The following RTEL1 variants were observed in gnomAD, a reference collection of about 807,000 sequenced individuals.
The protein encoded by RTEL1 is regulator of telomere length.
Under a neutral mutation model 162.2 loss-of-function variants are expected in RTEL1, and 86 were observed. That is an observed-to-expected ratio of 0.53 (90% CI 0.45 to 0.63). RTEL1 has a LOEUF of 0.63. Ranked by LOEUF, RTEL1 falls within the 30% of genes least tolerant of loss-of-function variation. The pLI is 0.00. For synonymous variants in RTEL1, 958 were observed against 717.9 expected, an observed-to-expected ratio of 1.33 and a Z score of -5.35; for missense variants, 1,941 against 1,750.2, an observed-to-expected ratio of 1.11 and a Z score of -1.95.
chr20:63,695,541 T>G lies in RTEL1; in HGVS notation c.3713T>G (p.Leu1238Arg). The G allele has an allele frequency of 6.2e-7, 1 of 1,612,338 alleles. No individual in the cohort carries two copies. The highest frequency in any genetic ancestry group is 8.5e-7 in the Non-Finnish European group (1 of 1,179,842). Residue 1238 changes from leucine to arginine, a missense_variant, in exon 34 of 35, where the codon CTC becomes CGC. Transcript: ENST00000360203. The stretch of plus-strand genomic sequence containing the variant: ...GCCACGGGAGCTCCGGGCGGGCCCC[T>G]CTCAGCAGGCTGTGTGTGCCAGGGC... ...QQATGAPGGP[L>R]SAGCVCQGCG...
intron 22 of RTEL1, 149 bp downstream of exon 22, chr20:63,689,281 C>A: frequency 1.1e-6 from 1 of 913,966 alleles, no homozygotes; most frequent in Non-Finnish European, 1.6e-6. Flanking sequence ...GGGAGCGTGT[C>A]CTGCTCTGGG....
In RTEL1 at chr20:63,659,520, C is replaced by T. The variant is rs765782315; in HGVS notation, c.102+16C>T. 1.3e-6 allele frequency: 2 copies of T among 1,588,842 alleles called. No individual in the cohort carries two copies. Among genetic ancestry groups the T allele is most frequent in the African/African-American group, 1.3e-5 (1 of 74,374 alleles). ...TCTGCAGCAGGTAGAGCACAGGCCC[C>T]GAGGAAAGGACTGCGGGTGGGTGGA... is the stretch of plus-strand genomic sequence containing the variant. On this transcript the variant is annotated intron_variant, in intron 2 of 34. Coordinates refer to ENST00000360203, the MANE Select transcript of RTEL1 (RefSeq NM_001283009.2).
At chr20:63,680,027 T>C in intron 13 of RTEL1, 81 bp downstream of exon 13, 1 of 971,624 alleles carries the variant, frequency 1.0e-6, no homozygotes, top group South Asian at 1.6e-5. Context: ...CAGTCAGGGC[T>C]CCCCTGGCCG....
chr20:63,661,637 TTC>T lies in RTEL1; in HGVS notation c.301+144_301+145del. 9.8e-7 allele frequency: 1 copy of T among 1,021,202 alleles called. No individual in the cohort carries two copies. Among genetic ancestry groups the T allele is most frequent in the Non-Finnish European group, 1.4e-6 (1 of 707,148 alleles). The allele number at this position is 1,021,202 out of a possible 1,614,324, so 63.3% of individuals were successfully genotyped here. A position where few individuals can be genotyped will look rare whatever the true frequency, so the allele number is the denominator to read the frequency against. On this transcript the variant is annotated intron_variant, in intron 3 of 34. Coordinates refer to ENST00000360203, the MANE Select transcript of RTEL1 (RefSeq NM_001283009.2). The surrounding 1 kb of genome is among the most constrained non-coding windows in gnomAD (Gnocchi z 5.1). ...GAGAATTTTTTAGCTGCTGTATAATTTCTCGCCATCGTGGGTGTAAACCTAGG... is the reference window on the plus strand; with the variant it reads ...GAGAATTTTTTAGCTGCTGTATAATTTCGCCATCGTGGGTGTAAACCTAGG...
rs1390957442 is a variant in RTEL1, at chr20:63,668,558, TGA to T, written c.699+1007_699+1008del. ...GGGAGGTGGGGAATGCTGGTGGGTC[TGA>T]GGGGAGCCTCAGCAGGTGCAGCAGA... On this transcript the variant is annotated intron_variant, in intron 8 of 34. Coordinates refer to ENST00000360203, the MANE Select transcript of RTEL1 (RefSeq NM_001283009.2). This position sits in a 1 kb window ranked among gnomAD's most constrained non-coding sequence, Gnocchi z 4.3. 1.3e-5 allele frequency among the ~76,000 whole-genome samples: 2 copies of T among 151,928 alleles called. No individual in the cohort carries two copies. The highest frequency in any genetic ancestry group is 2.9e-5 in the Non-Finnish European group (2 of 67,976).
chr20:63,659,566 T>A, intron 2 of RTEL1, 62 bp downstream of exon 2: 1 of 1,265,018 alleles, frequency 7.9e-7, no homozygotes, highest in Non-Finnish European at 1.2e-6. Flanking sequence ...GGACGGGGTG[T>A]GCTTCCCTCT....
At chr20:63,682,622 A>G (rs2090501635) in intron 14 of RTEL1, 6 of 985,856 alleles carry the variant, frequency 6.1e-6, no homozygotes, top group South Asian at 9.4e-5. Context: ...GGGACTGCAC[A>G]CAGTGCTCAC....
At chr20:63,693,099 A>G in intron 29 of RTEL1, 44 bp from the exon 30 acceptor site, 3 of 1,611,852 alleles carry the variant, frequency 1.9e-6, no homozygotes, top group South Asian at 1.1e-5. Context: ...TCTGTTCTCT[A>G]GAGAAAAAGG....
At chr20:63,678,542 C>T (rs376662142) in intron 12 of RTEL1, among the ~76,000 whole-genome samples, 196 bp downstream of exon 12, 3 of 151,180 alleles carry the variant, frequency 2.0e-5, no homozygotes, top group South Asian at 2.1e-4. Context: ...CACACTCCCA[C>T]GGGACAGCAC....
intron 12 of RTEL1, among the ~76,000 whole-genome samples, chr20:63,679,584 C>T (rs559096742): frequency 4.6e-5 from 7 of 152,230 alleles, no homozygotes; most frequent in Non-Finnish European, 7.4e-5. Context: ...CTCCTGAGGG[C>T]GGAGGCCTCT....
chr20:63,661,795 AC>A lies in RTEL1; in HGVS notation c.302-54del. 1 of 1,478,920 alleles carries A rather than the reference AC, an allele frequency of 6.8e-7. No individual in the cohort carries two copies. The highest frequency in any genetic ancestry group is 9.5e-7 in the Non-Finnish European group (1 of 1,057,106). 91.6% of individuals were successfully genotyped at this position (1,478,920 alleles called of 1,614,324 possible). A position where few individuals can be genotyped will look rare whatever the true frequency, so the allele number is the denominator to read the frequency against. Reference sequence around the variant, plus strand: ...TAGCCGAATGCCACCTGCCTTTGATACGTGAGAACGTTGTCTGAGAACCGTG... The same window carrying A: ...TAGCCGAATGCCACCTGCCTTTGATAGTGAGAACGTTGTCTGAGAACCGTG... On this transcript the variant is annotated intron_variant, in intron 3 of 34. Coordinates refer to ENST00000360203, the MANE Select transcript of RTEL1 (RefSeq NM_001283009.2). The surrounding 1 kb of genome is among the most constrained non-coding windows in gnomAD (Gnocchi z 5.1).
intron 28 of RTEL1, chr20:63,692,452 C>A: frequency 2.8e-6 from 1 of 361,276 alleles, no homozygotes; most frequent in South Asian, 3.0e-5. Flanking sequence ...TGTGCGCTGC[C>A]ATCCTGGGAG....
At chr20:63,693,973 G>A (rs1487400026) in intron 30 of RTEL1, among the ~76,000 whole-genome samples, 1 of 151,548 alleles carries the variant, frequency 6.6e-6, no homozygotes, top group Middle Eastern at 3.4e-3. Context: ...GTTTGGGGTG[G>A]AGTCCAAGTC....
rs1164655856 is a variant in RTEL1 at position 63,689,152 on chromosome 20, C to G, written c.1878+20C>G. On this transcript the variant is annotated intron_variant, in intron 22 of 34. Coordinates refer to ENST00000360203, the MANE Select transcript of RTEL1 (RefSeq NM_001283009.2). ...GGCAAGGTGAGCTCTCCAGGGCCCT[C>G]TGCCCTGACCTGGTTGCCTGTTCCC... is the stretch of plus-strand genomic sequence containing the variant. 6.2e-7 allele frequency: 1 copy of G among 1,602,058 alleles called. No individual in the cohort carries two copies. The highest frequency in any genetic ancestry group is 8.5e-7 in the Non-Finnish European group (1 of 1,176,774).
At position 63,695,835 on chromosome 20, in the gene RTEL1, G is replaced by A; in HGVS notation, c.3880G>A (p.Val1294Ile). Residue 1294 changes from valine (V) to isoleucine (I), a missense_variant, in exon 35 of 35, where the codon GTC becomes ATC. Val to Ile is a conservative substitution (Grantham distance 29, BLOSUM62 3). Coordinates refer to ENST00000360203, the MANE Select transcript of RTEL1 (RefSeq NM_001283009.2). ...CTCCAGGAAGCAGAGCGTCATGCAG[G>A]TCTTCTGGCCAGAGCCCCAGTGAGT... ...TASRKQSVMQVFWPEPQ is the reference protein window; with the variant it reads ...TASRKQSVMQIFWPEPQ 2 of 1,597,258 alleles carry A rather than the reference G, an allele frequency of 1.3e-6. No homozygotes were observed. The highest frequency in any genetic ancestry group is 1.3e-5 in the African/African-American group (1 of 74,890).
chr20:63,688,806 C>T (rs1178216254), intron 21 of RTEL1: 3 of 634,030 alleles, frequency 4.7e-6, no homozygotes, highest in African/African-American at 3.7e-5. Context: ...GGTGTGGTAA[C>T]AGTGGCCCTC....
chr20:63,680,708 G>T lies in RTEL1; in HGVS notation c.1180G>T (p.Asp394Tyr). Residue 394 changes from aspartate (D) to tyrosine (Y), a missense_variant, in exon 14 of 35, where the codon GAC becomes TAC. Coordinates refer to ENST00000360203, the MANE Select transcript of RTEL1 (RefSeq NM_001283009.2). Reference sequence around the variant, plus strand: ...CACGGCCGGACTGCAGAAGCTGGCGGACATTATCCAGGTGGGGCCTGCTCC... The same window carrying T: ...CACGGCCGGACTGCAGAAGCTGGCGTACATTATCCAGGTGGGGCCTGCTCC... ...TNTAGLQKLA[D>Y]IIQIVFSVDP... 6.2e-7 allele frequency: 1 copy of T among 1,613,428 alleles called. No homozygotes were observed. The highest frequency in any genetic ancestry group is 8.5e-7 in the Non-Finnish European group (1 of 1,179,992).
chr20:63,684,789 C>T (rs2090554411), intron 14 of RTEL1, among the ~76,000 whole-genome samples: 1 of 151,874 alleles, frequency 6.6e-6, no homozygotes, highest in Admixed American at 6.6e-5. Flanking sequence ...TCTTTTGAAA[C>T]CTGCCCTGAC....
rs1433744035 is a variant in RTEL1 at position 63,692,893 on chromosome 20, C to A, written c.2741C>A (p.Thr914Asn). ...KQELSQANFATFTQALQDYKG... is the reference protein window; with the variant it reads ...KQELSQANFANFTQALQDYKG... ...GAGTTGAGCCAAGCCAACTTTGCCA[C>A]CTTCACCCAGGCCCTGCAGGACTAC... Residue 914 changes from threonine (T) to asparagine (N), a missense_variant, in exon 29 of 35, where the codon ACC (threonine) becomes AAC (asparagine). Thr to Asn is a moderately conservative substitution (Grantham distance 65). Transcript: ENST00000360203. 6.2e-7 allele frequency: 1 copy of A among 1,612,654 alleles called. No individual in the cohort carries two copies.
Sources: gnomAD v4.1 joint callset for allele counts (sites outside exome capture counted in the v4.1 genomes callset) on GRCh38, gnomAD v4.1.1 for gene constraint, Gnocchi (gnomAD v3.1) non-coding constraint, MANE v1.5 for transcripts, NCBI Gene and HGNC (gene_info 2026-07-23, HGNC 2026-07-21) for gene names.